Variants in SLC71A1 observed in about 807,000 individuals in gnomAD.
The protein encoded by SLC71A1 is hippocampus abundant gene transcript 1.
At chr1:100,044,798 A>G in the SLC71A1 span, among the ~76,000 whole-genome samples, 4 of 152,294 alleles carry the variant, frequency 2.6e-5, no homozygotes, top group Middle Eastern at 3.4e-3. Context: ...GATTACAGGC[A>G]TGCCTAGGCG....
the SLC71A1 span, among the ~76,000 whole-genome samples, chr1:100,064,095 A>G: frequency 3.6e-4 from 55 of 152,274 alleles, no homozygotes; most frequent in African/African-American, 1.1e-3. Context: ...TTGAAAATAT[A>G]TATTTATATG....
the SLC71A1 span, among the ~76,000 whole-genome samples, chr1:100,071,280 C>A: frequency 8.1e-6 from 1 of 123,314 alleles, no homozygotes; most frequent in African/African-American, 3.2e-5. Context: ...GGCAAAACCC[C>A]ATCTCTACCA....
the SLC71A1 span, chr1:100,083,359 T>TG: frequency 2.6e-5 from 4 of 152,462 alleles, no homozygotes; most frequent in Non-Finnish European, 5.9e-5. Context: ...AATATTTTAA[T>TG]GATTTTTTTT....
chr1:100,071,289 CAAAAAA>C, the SLC71A1 span, among the ~76,000 whole-genome samples: 579 of 53,410 alleles, frequency 0.011, 3 homozygotes, highest in Middle Eastern at 0.016. Context: ...CCATCTCTAC[CAAAAAA>C]AAAAAAAAAA....
the SLC71A1 span, among the ~76,000 whole-genome samples, chr1:100,060,799 G>C: frequency 6.6e-6 from 1 of 151,834 alleles, no homozygotes; most frequent in South Asian, 2.1e-4. Context: ...CTAACAAAAA[G>C]GGAATAATTG....
the SLC71A1 span, chr1:100,077,421 C>A: frequency 1.7e-6 from 1 of 572,064 alleles, no homozygotes; most frequent in South Asian, 2.5e-5. Flanking sequence ...ATAAGTCTGC[C>A]ACTTGTATAT....
the SLC71A1 span, chr1:100,058,711 T>C: frequency 3.2e-6 from 5 of 1,582,646 alleles, no homozygotes; most frequent in African/African-American, 2.7e-5. Context: ...GATGAACGGC[T>C]TAATTCAAGG....
chr1:100,045,700 CTTTTA>C, the SLC71A1 span, among the ~76,000 whole-genome samples: 2 of 149,386 alleles, frequency 1.3e-5, no homozygotes, highest in East Asian at 1.9e-4. Context: ...GCCAATTCCA[CTTTTA>C]TTTTATTTTA....
chr1:100,059,530 AAT>A, the SLC71A1 span, among the ~76,000 whole-genome samples: 1 of 150,872 alleles, frequency 6.6e-6, no homozygotes, highest in Non-Finnish European at 1.5e-5. Context: ...TATATATATA[AAT>A]ATATGTTTTA....
the SLC71A1 span, among the ~76,000 whole-genome samples, chr1:100,054,220 A>T: frequency 2.7e-5 from 4 of 146,766 alleles, no homozygotes; most frequent in East Asian, 6.0e-4. Context: ...TTTTTTTTTT[A>T]TTATTTTTTT....
At chr1:100,073,902 C>T in the SLC71A1 span, among the ~76,000 whole-genome samples, 8 of 152,156 alleles carry the variant, frequency 5.3e-5, no homozygotes, top group Middle Eastern at 3.4e-3. Flanking sequence ...AAATTTTTTC[C>T]GTTCAAGAAC....
the SLC71A1 span, among the ~76,000 whole-genome samples, chr1:100,076,115 A>C: frequency 6.6e-6 from 1 of 152,224 alleles, no homozygotes; most frequent in South Asian, 2.1e-4. Context: ...TGAAAGTCTT[A>C]GACAAGAAAG....
At chr1:100,041,674 A>G in the SLC71A1 span, among the ~76,000 whole-genome samples, 1 of 152,372 alleles carries the variant, frequency 6.6e-6, no homozygotes, top group Non-Finnish European at 1.5e-5. Flanking sequence ...CTGTAATCCC[A>G]GCACTTTGGG....
the SLC71A1 span, among the ~76,000 whole-genome samples, chr1:100,073,886 C>A: frequency 6.6e-6 from 1 of 152,114 alleles, no homozygotes; most frequent in Non-Finnish European, 1.5e-5. Context: ...AATTAAGGGA[C>A]ACCAAAAATT....
At chr1:100,074,855 A>G in the SLC71A1 span, among the ~76,000 whole-genome samples, 13 of 152,214 alleles carry the variant, frequency 8.5e-5, no homozygotes, top group Admixed American at 4.6e-4. Context: ...AGCCTTGGCA[A>G]CAGAGCGAGA....
the SLC71A1 span, chr1:100,078,781 C>T: frequency 2.7e-6 from 1 of 363,882 alleles, no homozygotes; most frequent in Non-Finnish European, 5.0e-6. Context: ...AGAAAATTTA[C>T]TGATGAGGCT....
At chr1:100,046,514 CTG>C in the SLC71A1 span, among the ~76,000 whole-genome samples, 1 of 152,156 alleles carries the variant, frequency 6.6e-6, no homozygotes, top group Non-Finnish European at 1.5e-5. Context: ...GCGTGAGTCA[CTG>C]TGCCCAGCCT....
the SLC71A1 span, among the ~76,000 whole-genome samples, chr1:100,056,644 A>G: frequency 9.2e-4 from 140 of 152,322 alleles, no homozygotes; most frequent in Admixed American, 1.5e-3. Flanking sequence ...GCTGCAGTAA[A>G]TGTAGGAGTA....
the SLC71A1 span, chr1:100,060,083 C>T: frequency 7.5e-7 from 1 of 1,328,328 alleles, no homozygotes; most frequent in East Asian, 2.4e-5. Context: ...ATTTCTTTCA[C>T]TTGTGCCATC....
Sources: allele counts gnomAD v4.1 joint callset (sites outside exome capture counted in the v4.1 genomes callset), GRCh38; gene constraint gnomAD v4.1.1; transcripts MANE v1.5; gene names NCBI Gene and HGNC (gene_info 2026-07-23, HGNC 2026-07-21).